FRMD3: variants seen among roughly 807,000 people sequenced by gnomAD.
The protein encoded by FRMD3 is FERM domain-containing protein 3.
Under a neutral mutation model 70.2 loss-of-function variants are expected in FRMD3, and 33 were observed. The observed-to-expected ratio is 0.47, with a 90% CI of 0.36 to 0.63. FRMD3 has a LOEUF of 0.63. FRMD3 is among the 20% of genes least tolerant of loss of function. The pLI, the probability that FRMD3 is intolerant of heterozygous loss-of-function variation, is 0.00. For synonymous variants in FRMD3, 279 were observed against 255.9 expected (o/e 1.09, Z -0.86); for missense variants, 632 against 711.4 (o/e 0.89, Z 1.27).
intron 1 of FRMD3, among the ~76,000 whole-genome samples, chr9:83,407,869 C>T (rs1053558569): frequency 1.1e-3 from 131 of 121,332 alleles, no homozygotes; most frequent in African/African-American, 4.8e-3. Flanking sequence ...CTCTCTCTCT[C>T]TCTCATCTTT....
At chr9:83,398,474 C>A (rs1404112209) in intron 1 of FRMD3, among the ~76,000 whole-genome samples, 1 of 152,134 alleles carries the variant, frequency 6.6e-6, no homozygotes, top group African/African-American at 2.4e-5. Flanking sequence ...TTAAAAGTTT[C>A]TTTGATTTGT....
intron 1 of FRMD3, among the ~76,000 whole-genome samples, chr9:83,486,477 T>A (rs140006143): frequency 1.5e-3 from 235 of 152,296 alleles, no homozygotes; most frequent in African/African-American, 5.3e-3. Flanking sequence ...TTAGTTTATA[T>A]CTTTAAAATG....
At chr9:83,395,555 TC>T (rs1233907990) in intron 1 of FRMD3, among the ~76,000 whole-genome samples, 1 of 152,152 alleles carries the variant, frequency 6.6e-6, no homozygotes, top group Non-Finnish European at 1.5e-5. Flanking sequence ...ATCATTTAGC[TC>T]CCACTTATAA....
In FRMD3 at chr9:83,357,102, C is replaced by A. The variant is rs182641586; in HGVS notation, c.296-7345G>T. On this transcript the variant is annotated intron_variant, in intron 3 of 13. Coordinates refer to ENST00000304195, the MANE Select transcript of FRMD3 (RefSeq NM_174938.6). Reference sequence around the variant, plus strand: ...AGTATTCCATGGTGTATATATATATCTATCCATCATGGTAATATATATATT... The same window carrying A: ...AGTATTCCATGGTGTATATATATATATATCCATCATGGTAATATATATATT... 3.0e-3 allele frequency among the ~76,000 whole-genome samples: 382 copies of A among 127,236 alleles called. 3 individuals are homozygous for A. The highest frequency in any genetic ancestry group is 9.4e-3 in the African/African-American group (254 of 27,030). 83.5% of individuals were successfully genotyped at this position (127,236 alleles called of 152,430 possible). A position where few individuals can be genotyped will look rare whatever the true frequency, so the allele number is the denominator to read the frequency against.
At chr9:83,344,347 C>A (rs1823878371) in intron 4 of FRMD3, among the ~76,000 whole-genome samples, 1 of 87,312 alleles carries the variant, frequency 1.1e-5, no homozygotes, top group Non-Finnish European at 2.2e-5. Context: ...TCCCAGTTAT[C>A]ACCTTGTGAG....
chr9:83,316,148 C>CTTTTTTTTTTT (rs369641019), intron 6 of FRMD3, among the ~76,000 whole-genome samples: 9 of 134,490 alleles, frequency 6.7e-5, no homozygotes, highest in African/African-American at 1.1e-4. Flanking sequence ...TCTTTTTTCT[C>CTTTTTTTTTTT]TTTTTTTTTT....
At chr9:83,492,675 G>T (rs1828855654) in intron 1 of FRMD3, among the ~76,000 whole-genome samples, 1 of 152,158 alleles carries the variant, frequency 6.6e-6, no homozygotes, top group South Asian at 2.1e-4. Flanking sequence ...GTCCTTGAAG[G>T]GTTCTGCCAG....
At chr9:83,248,794 T>C (rs969039201) in intron 13 of FRMD3, among the ~76,000 whole-genome samples, 5 of 152,240 alleles carry the variant, frequency 3.3e-5, no homozygotes, top group Non-Finnish European at 7.3e-5. Flanking sequence ...ACCTTGAACC[T>C]TGGCCATGTT....
intron 1 of FRMD3, among the ~76,000 whole-genome samples, chr9:83,400,745 T>A (rs1048246418): frequency 4.1e-4 from 63 of 152,216 alleles, no homozygotes; most frequent in African/African-American, 1.5e-3. Context: ...TATAGTCAAC[T>A]GATTTCTGAC....
chr9:83,565,972 A>C, the FRMD3 span, among the ~76,000 whole-genome samples: 1 of 152,264 alleles, frequency 6.6e-6, no homozygotes, highest in Non-Finnish European at 1.5e-5. Flanking sequence ...AGTATGATTT[A>C]CAATAAAAAG....
intron 1 of FRMD3, among the ~76,000 whole-genome samples, chr9:83,481,986 C>T (rs1232405491): frequency 6.8e-6 from 1 of 147,742 alleles, no homozygotes; most frequent in East Asian, 2.0e-4. Flanking sequence ...ACAGCAACAA[C>T]AACAAAGTAA....
At chr9:83,300,769 T>C (rs1834886891) in intron 10 of FRMD3, among the ~76,000 whole-genome samples, 2 of 152,198 alleles carry the variant, frequency 1.3e-5, no homozygotes, top group African/African-American at 4.8e-5. Context: ...CACACACACA[T>C]ATTTTTTTTC....
At chr9:83,545,484 A>G in the FRMD3 span, among the ~76,000 whole-genome samples, 2 of 151,440 alleles carry the variant, frequency 1.3e-5, no homozygotes, top group Admixed American at 1.3e-4. Context: ...CAGCCTCTCA[A>G]GTAGCTAGGA....
chr9:83,332,929 G>A (rs886812956), intron 6 of FRMD3, among the ~76,000 whole-genome samples: 2 of 152,134 alleles, frequency 1.3e-5, no homozygotes, highest in African/African-American at 4.8e-5. Flanking sequence ...CTCCTTCCTG[G>A]CTTGGTCAGG....
intron 1 of FRMD3, among the ~76,000 whole-genome samples, chr9:83,411,751 G>A (rs978808650): frequency 6.6e-6 from 1 of 152,092 alleles, no homozygotes; most frequent in African/African-American, 2.4e-5. Flanking sequence ...CATCGAAAAG[G>A]ACTGAAAATT....
At chr9:83,514,350 G>C (rs1402938318) in intron 1 of FRMD3, among the ~76,000 whole-genome samples, 12 of 152,176 alleles carry the variant, frequency 7.9e-5, no homozygotes, top group Admixed American at 7.9e-4. Context: ...CTGCTAGGAA[G>C]TTTGAACTGG....
rs35538787 is a variant in FRMD3 at position 83,344,824 on chromosome 9, A to AGTGTGTGTGTGTGT, written c.375-1551_375-1538dup. 7.6e-3 allele frequency among the ~76,000 whole-genome samples: 1,096 copies of AGTGTGTGTGTGTGT among 144,058 alleles called. 12 individuals are homozygous for AGTGTGTGTGTGTGT. The highest frequency in any genetic ancestry group is 0.02 in the African/African-American group (767 of 39,128). 94.5% of individuals were successfully genotyped at this position (144,058 alleles called of 152,430 possible). Reference sequence around the variant, plus strand: ...GTGTGTGTGCATGCGTGCATGTGTGAGTGTGTGTGTGTGTGTGTGTGTGTG... The same window carrying AGTGTGTGTGTGTGT: ...GTGTGTGTGCATGCGTGCATGTGTGAGTGTGTGTGTGTGTGTGTGTGTGTGTGTGTGTGTGTGTG... On this transcript the variant is annotated intron_variant, in intron 4 of 13. Coordinates refer to ENST00000304195, the MANE Select transcript of FRMD3 (RefSeq NM_174938.6).
At chr9:83,386,058 G>A (rs1825502663) in intron 2 of FRMD3, among the ~76,000 whole-genome samples, 1 of 152,118 alleles carries the variant, frequency 6.6e-6, no homozygotes, top group African/African-American at 2.4e-5. Flanking sequence ...CATGTGCTAA[G>A]CATTGATATA....
In FRMD3 at chr9:83,290,681, G is replaced by A. The variant is rs569516850; in HGVS notation, c.1117C>T (p.Leu373Phe). Residue 373 changes from leucine to phenylalanine, a missense_variant, in exon 13 of 14, where the codon CTC (leucine) becomes TTC (phenylalanine). By Grantham distance (22) the Leu-to-Phe change is conservative (BLOSUM62 0). Around this residue, in one of 3 missense-constraint regions of FRMD3, gnomAD observed 418 missense variants for 442.1 expected, o/e 0.95. Coordinates refer to ENST00000304195, the MANE Select transcript of FRMD3 (RefSeq NM_174938.6). ...TGCAGGGGTTCCATGTTAATGATGA[G>A]CTGTTTGTTCAAGGAGTGGGAACTG... ...SRSSHSLNKQ[L>F]IINMEPLQPL... 2 of 1,613,888 alleles carry A rather than the reference G, an allele frequency of 1.2e-6. No homozygotes were observed. Among genetic ancestry groups the A allele is most frequent in the East Asian group, 2.2e-5 (1 of 44,866 alleles).
Sources: allele counts gnomAD v4.1 joint callset (sites outside exome capture counted in the v4.1 genomes callset), GRCh38; gene constraint gnomAD v4.1.1; regional missense constraint gnomAD v4.1.1; transcripts MANE v1.5; gene names NCBI Gene and HGNC (gene_info 2026-07-23, HGNC 2026-07-21).